ADGRG6: variants seen among roughly 807,000 people sequenced by gnomAD.
ADGRG6 encodes G-protein coupled receptor 126.
ADGRG6 carries 84 observed loss-of-function variants against 142.4 expected under a neutral mutation model. The observed-to-expected ratio is 0.59, with a 90% CI of 0.49 to 0.71. The LOEUF is 0.71. Among genes scored for constraint, ADGRG6 ranks in the 30% least tolerant of loss-of-function variants. The pLI is 0.00. For synonymous variants in ADGRG6, 521 were observed against 520.5 expected (o/e 1.00, Z -0.01); for missense variants, 1,367 against 1,466.6 (o/e 0.93, Z 1.11).
chr6:142,313,712 TTATCA>T (rs1474405125), intron 2 of ADGRG6, among the ~76,000 whole-genome samples: 1 of 152,168 alleles, frequency 6.6e-6, no homozygotes, highest in African/African-American at 2.4e-5. Context: ...TTAATTTTTC[TTATCA>T]TAAAATGAAC....
Position 142,381,951 on chromosome 6 carries a change from G to T in ADGRG6, c.1070G>T (p.Gly357Val), listed in dbSNP as rs544627788. The change falls in exon 5 of 25, where the codon GGT (glycine) becomes GTT (valine). Residue 357 changes from glycine to valine, a missense_variant and splice_region_variant. Gly to Val is a moderately radical substitution (Grantham distance 109). Coordinates refer to ENST00000367609, the MANE Select transcript of ADGRG6 (RefSeq NM_198569.3). ...ACATATTCTTTTTGTGTTGATCAAG[G>T]TTCCTACCTGATCCCGCTCCCAGCA... is the stretch of plus-strand genomic sequence containing the variant. ...ALKAESNLSC[G>V]SYLIPLPAAE... 1 of 1,586,178 alleles carries T rather than the reference G, an allele frequency of 6.3e-7. No individual in the cohort carries two copies. The highest frequency in any genetic ancestry group is 2.3e-5 in the East Asian group (1 of 44,258).
Position 142,414,898 on chromosome 6 carries a change from T to C in ADGRG6, c.2542-71T>C. The C allele has an allele frequency of 2.2e-6, 3 of 1,394,192 alleles. No individual in the cohort carries two copies. The South Asian group carries it at 4.4e-5, about 20-fold the overall frequency. 86.4% of individuals were successfully genotyped at this position (1,394,192 alleles called of 1,614,324 possible). The stretch of plus-strand genomic sequence containing the variant: ...AGCTGCTCTAATGTTAACAGTGAAC[T>C]TTCTAGTGAAACAGAGAACCATTCT... On this transcript the variant is annotated intron_variant, in intron 18 of 24. Transcript: ENST00000367609.
At chr6:142,394,580 ATTTTT>A (rs5880532) in intron 9 of ADGRG6, among the ~76,000 whole-genome samples, 1 of 132,976 alleles carries the variant, frequency 7.5e-6, no homozygotes. Context: ...ATCTCTGTAG[ATTTTT>A]TTTTTTTTTT....
intron 3 of ADGRG6, among the ~76,000 whole-genome samples, chr6:142,368,444 T>A (rs1781057789): frequency 6.6e-6 from 1 of 152,150 alleles, no homozygotes; most frequent in Admixed American, 6.5e-5. Flanking sequence ...ATATGTTTTC[T>A]ATATTCTGGC....
intron 18 of ADGRG6, among the ~76,000 whole-genome samples, chr6:142,414,680 G>T (rs1335391178): frequency 3.9e-5 from 6 of 152,198 alleles, no homozygotes; most frequent in Admixed American, 1.3e-4. Flanking sequence ...TCTGTTGAGA[G>T]TCCTGGTGGT....
rs935345022 is a variant in ADGRG6 at position 142,445,230 on chromosome 6, A to C, written c.*1715A>C. On this transcript the variant is annotated 3_prime_UTR_variant, in exon 25 of 25. Transcript: ENST00000367609. The stretch of plus-strand genomic sequence containing the variant: ...TTACCCAGCTTGGCTTTCACGGGGG[A>C]GGGTTGTATTCAGTAAAAAAGAATA... The C allele has an allele frequency of 2.0e-5, 3 of 151,936 alleles. No homozygotes were observed. Among genetic ancestry groups the C allele is most frequent in the Admixed American group, 2.0e-4 (3 of 15,242 alleles). The allele number at this position is 151,936 out of a possible 1,614,324, so 9.4% of individuals were successfully genotyped here.
At chr6:142,340,790 A>G (rs1425058490) in intron 2 of ADGRG6, among the ~76,000 whole-genome samples, 2 of 152,136 alleles carry the variant, frequency 1.3e-5, no homozygotes, top group Non-Finnish European at 2.9e-5. Context: ...TTACAAGCTT[A>G]GAACATGTAT....
chr6:142,398,380 A>G (rs530185911), intron 10 of ADGRG6, among the ~76,000 whole-genome samples: 19 of 152,138 alleles, frequency 1.2e-4, no homozygotes, highest in Non-Finnish European at 2.4e-4. Context: ...AGCCATGTTC[A>G]TGCCACTGCA....
chr6:142,370,076 T>A, intron 3 of ADGRG6, 94 bp from the exon 4 acceptor site: 4 of 1,035,742 alleles, frequency 3.9e-6, no homozygotes. Context: ...AAAAGTTAAC[T>A]AGTAGAAAGC....
chr6:142,369,388 C>T (rs984616148), intron 3 of ADGRG6, among the ~76,000 whole-genome samples: 1 of 152,100 alleles, frequency 6.6e-6, no homozygotes. Context: ...TTATTTAATT[C>T]TTATTGACCA....
At chr6:142,308,242 A>G (rs1042302568) in intron 1 of ADGRG6, among the ~76,000 whole-genome samples, 3 of 151,982 alleles carry the variant, frequency 2.0e-5, no homozygotes, top group Admixed American at 6.6e-5. Flanking sequence ...GACTAGGTTC[A>G]TTGCTGTTCC....
intron 2 of ADGRG6, among the ~76,000 whole-genome samples, chr6:142,352,301 A>G (rs1780224602): frequency 1.3e-5 from 2 of 152,192 alleles, no homozygotes; most frequent in East Asian, 3.8e-4. Context: ...GAATGAAATC[A>G]TTTCCTGTGC....
chr6:142,437,409 A>ATATTTATATT (rs1381876272), intron 22 of ADGRG6, 25 bp from the exon 23 acceptor site: 6 of 1,072,880 alleles, frequency 5.6e-6, no homozygotes, highest in Non-Finnish European at 8.6e-6. Flanking sequence ...GTTGGCTTAA[A>ATATTTATATT]TATTTATATT....
chr6:142,341,142 G>A (rs1779598466), intron 2 of ADGRG6, among the ~76,000 whole-genome samples: 1 of 151,258 alleles, frequency 6.6e-6, no homozygotes. Flanking sequence ...CTGAATTTCA[G>A]AGTAATGAAT....
chr6:142,438,132 T>C, intron 23 of ADGRG6, 80 bp from the exon 24 acceptor site: 1 of 809,362 alleles, frequency 1.2e-6, no homozygotes, highest in Non-Finnish European at 1.9e-6. Context: ...TCCAGATAAA[T>C]AATGCAGTGA....
intron 2 of ADGRG6, among the ~76,000 whole-genome samples, chr6:142,352,582 A>T (rs1355442297): frequency 6.6e-6 from 1 of 152,166 alleles, no homozygotes; most frequent in African/African-American, 2.4e-5. Flanking sequence ...TCACTGTAAC[A>T]AACCACCTGT....
chr6:142,333,023 G>A (rs554114545), intron 2 of ADGRG6, among the ~76,000 whole-genome samples: 1 of 152,318 alleles, frequency 6.6e-6, no homozygotes, highest in Admixed American at 6.5e-5. Context: ...TGTTGCAAAA[G>A]CTAGAGTGGA....
intron 2 of ADGRG6, among the ~76,000 whole-genome samples, chr6:142,313,509 A>G (rs1234327622): frequency 6.6e-6 from 1 of 152,170 alleles, no homozygotes; most frequent in East Asian, 1.9e-4. Flanking sequence ...CCTGAAAATC[A>G]GTGATATCAG....
At chr6:142,392,400 T>C (rs1774939653) in intron 7 of ADGRG6, among the ~76,000 whole-genome samples, 1 of 151,936 alleles carries the variant, frequency 6.6e-6, no homozygotes, top group African/African-American at 2.4e-5. Flanking sequence ...ATAGTTCCAA[T>C]AGTATTGAAC....
Sources: gnomAD v4.1 joint callset for allele counts (sites outside exome capture counted in the v4.1 genomes callset) on GRCh38, gnomAD v4.1.1 for gene constraint, MANE v1.5 for transcripts, NCBI Gene and HGNC (gene_info 2026-07-23, HGNC 2026-07-21) for gene names.